Variants in UPF2 observed in about 807,000 individuals in gnomAD.
The protein encoded by UPF2 is UPF2 regulator of nonsense mediated mRNA decay.
Under a neutral mutation model 141.4 loss-of-function variants are expected in UPF2, and 17 were observed. That is an observed-to-expected ratio of 0.12 (90% CI 0.08 to 0.18). The LOEUF is 0.18. Among genes scored for constraint, UPF2 ranks in the 10% least tolerant of loss-of-function variants. UPF2 has a pLI of 1.00. For missense variants in UPF2, 1,152 were observed against 1,515.9 expected, an observed-to-expected ratio of 0.76 and a Z score of 3.99; for synonymous variants, 540 against 498.0, an observed-to-expected ratio of 1.08 and a Z score of -1.12.
At position 11,943,122 on chromosome 10, in the gene UPF2, T is replaced by A. The variant is rs765295638; in HGVS notation, c.3221A>T (p.Glu1074Val). ...GGAATCTGTAAGGTAATCTGTATTC[T>A]CTTCCTCCTCTTCTTCTCCCTCATC... ...DDDEGEEEEE[E>V]NTDYLTDSNK... Residue 1074 changes from glutamate to valine, a missense_variant, in exon 17 of 22, where the codon GAG (glutamate) becomes GTG (valine). Glu to Val is a moderately radical substitution (Grantham distance 121, BLOSUM62 -2). Coordinates refer to ENST00000357604, the MANE Select transcript of UPF2 (RefSeq NM_015542.4). 1.9e-6 allele frequency: 3 copies of A among 1,612,088 alleles called. No individual in the cohort carries two copies. Among genetic ancestry groups the A allele is most frequent in the Non-Finnish European group, 2.5e-6 (3 of 1,179,364 alleles).
chr10:11,936,688 C>A lies in UPF2; in HGVS notation c.3403G>T (p.Val1135Leu). 1.2e-6 allele frequency: 2 copies of A among 1,609,668 alleles called. No individual in the cohort carries two copies. The highest frequency in any genetic ancestry group is 1.7e-6 in the Non-Finnish European group (2 of 1,178,056). Residue 1135 changes from valine (V) to leucine (L), a missense_variant, in exon 19 of 22, where the codon GTG becomes TTG. By Grantham distance (32) the Val-to-Leu change is conservative. This residue lies in a region of UPF2 where 202 missense variants were observed against 223.6 expected (regional missense o/e 0.90). Transcript: ENST00000357604. This position sits in a 1 kb window ranked among gnomAD's most constrained non-coding sequence, Gnocchi z 6.6. ...GGAATGGCAACATCTAGTTGGTGCACTTTAACAGATTCACCACTTCGTTGC... is the reference window on the plus strand; with the variant it reads ...GGAATGGCAACATCTAGTTGGTGCAATTTAACAGATTCACCACTTCGTTGC... ...LQQRSGESVK[V>L]HQLDVAIPLH...
chr10:11,985,209 G>A (rs1170513732), intron 8 of UPF2, among the ~76,000 whole-genome samples: 1 of 152,234 alleles, frequency 6.6e-6, no homozygotes, highest in East Asian at 1.9e-4. Context: ...AAAAAGGACA[G>A]TTGATACAAA....
Position 11,979,955 on chromosome 10 carries a change from G to A in UPF2, c.1845-790C>T, listed in dbSNP as rs188732162. Among the ~76,000 whole-genome samples the A allele has an allele frequency of 3.2e-4, 48 of 152,240 alleles. No individual in the cohort carries two copies. Among genetic ancestry groups the A allele is most frequent in the African/African-American group, 1.2e-3 (48 of 41,534 alleles). On this transcript the variant is annotated intron_variant, in intron 8 of 21. Transcript: ENST00000357604. This position sits in a 1 kb window ranked among gnomAD's most constrained non-coding sequence, Gnocchi z 6.2. Reference sequence around the variant, plus strand: ...ACTCAATAACTGAAAAAACCTCTACGAAGGCAAAATAATATTACAAAATCT... The same window carrying A: ...ACTCAATAACTGAAAAAACCTCTACAAAGGCAAAATAATATTACAAAATCT...
chr10:11,940,661 C>T lies in UPF2; in HGVS notation c.3378+2004G>A, dbSNP rs1037356750. Reference sequence around the variant, plus strand: ...CAATCCAGCGCCAAATAAGCCAGGTCGTTCTACCTCCGAAATAGCTCAAAT... The same window carrying T: ...CAATCCAGCGCCAAATAAGCCAGGTTGTTCTACCTCCGAAATAGCTCAAAT... On this transcript the variant is annotated intron_variant, in intron 18 of 21. Coordinates refer to ENST00000357604, the MANE Select transcript of UPF2 (RefSeq NM_015542.4). This position sits in a 1 kb window ranked among gnomAD's most constrained non-coding sequence, Gnocchi z 4.2. 6.6e-6 allele frequency among the ~76,000 whole-genome samples: 1 copy of T among 152,182 alleles called. No individual in the cohort carries two copies. Among genetic ancestry groups the T allele is most frequent in the Non-Finnish European group, 1.5e-5 (1 of 68,018 alleles).
intron 9 of UPF2, 92 bp from the exon 10 acceptor site, chr10:11,967,546 G>GTTTTTTT (rs755905255): frequency 1.2e-4 from 28 of 243,050 alleles, no homozygotes; most frequent in South Asian, 3.5e-4. Flanking sequence ...ATTCACTCCA[G>GTTTTTTT]TTTTTTTTTT....
chr10:11,925,613 C>CTTAAGGAGGACAAGGTCTGCAG (rs1441426584), intron 21 of UPF2, among the ~76,000 whole-genome samples: 3 of 152,216 alleles, frequency 2.0e-5, no homozygotes, highest in African/African-American at 7.2e-5. Context: ...CTAAGCGGCA[C>CTTAAGGAGGACAAGGTCTGCAG]TTAAGGAGGA....
rs554815163 is a variant in UPF2, at chr10:11,931,204, C to G, written c.3688+437G>C. 6.6e-6 allele frequency among the ~76,000 whole-genome samples: 1 copy of G among 152,344 alleles called. No individual in the cohort carries two copies. The highest frequency in any genetic ancestry group is 1.9e-4 in the East Asian group (1 of 5,192). On this transcript the variant is annotated intron_variant, in intron 20 of 21. Transcript: ENST00000357604. This position sits in a 1 kb window ranked among gnomAD's most constrained non-coding sequence, Gnocchi z 5.9. Reference sequence around the variant, plus strand: ...CAATGGTGGTCCCATCAGTTCATAACAGCTACACCATACAGCCTCAGTGTG... The same window carrying G: ...CAATGGTGGTCCCATCAGTTCATAAGAGCTACACCATACAGCCTCAGTGTG...
At chr10:12,020,518 G>A (rs1834299805) in intron 3 of UPF2, among the ~76,000 whole-genome samples, 1 of 152,124 alleles carries the variant, frequency 6.6e-6, no homozygotes, top group African/African-American at 2.4e-5. Flanking sequence ...AGCTACTAAA[G>A]TTTAAGAAGT....
At chr10:11,942,203 G>A (rs1287705034) in intron 18 of UPF2, among the ~76,000 whole-genome samples, 1 of 152,170 alleles carries the variant, frequency 6.6e-6, no homozygotes, top group Admixed American at 6.5e-5. Flanking sequence ...GTAAAACGCT[G>A]TCTCTACTAA....
At chr10:11,999,532 A>AAAAC (rs1564361270) in intron 7 of UPF2, among the ~76,000 whole-genome samples, 1 of 115,678 alleles carries the variant, frequency 8.6e-6, no homozygotes, top group Non-Finnish European at 1.8e-5. Context: ...AAAAAAAAAA[A>AAAAC]ACACACACAA....
At chr10:11,993,933 G>A (rs1213532395) in intron 8 of UPF2, among the ~76,000 whole-genome samples, 1 of 152,076 alleles carries the variant, frequency 6.6e-6, no homozygotes, top group Admixed American at 6.5e-5. Context: ...AGGCTGCAGT[G>A]AGCTGTAATC....
chr10:12,016,036 CACAA>C lies in UPF2; in HGVS notation c.1146-1856_1146-1853del, dbSNP rs1311390294. Among the ~76,000 whole-genome samples the C allele has an allele frequency of 5.9e-5, 9 of 152,182 alleles. No homozygotes were observed. The highest frequency in any genetic ancestry group is 2.0e-4 in the Admixed American group (3 of 15,300). ...ATGTGTTTCAGACTACTGTTACAAA[CACAA>C]ACAAAATTTTTTCAGTAATTTTGTG... On this transcript the variant is annotated intron_variant, in intron 3 of 21. Coordinates refer to ENST00000357604, the MANE Select transcript of UPF2 (RefSeq NM_015542.4). This position sits in a 1 kb window ranked among gnomAD's most constrained non-coding sequence, Gnocchi z 4.1.
intron 2 of UPF2, among the ~76,000 whole-genome samples, chr10:12,032,240 G>T (rs1277608526): frequency 2.0e-5 from 3 of 151,432 alleles, no homozygotes; most frequent in Non-Finnish European, 4.4e-5. Flanking sequence ...GTTACGGTGA[G>T]CCGAGATCGC....
At position 11,931,789 on chromosome 10, in the gene UPF2, G is replaced by GA. The variant is rs1564334829; in HGVS notation, c.3547-8dup. 1 of 1,584,416 alleles carries GA rather than the reference G, an allele frequency of 6.3e-7. No homozygotes were observed. The highest frequency in any genetic ancestry group is 1.4e-5 in the African/African-American group (1 of 72,982). On this transcript the variant is annotated splice_region_variant and splice_polypyrimidine_tract_variant and intron_variant, in intron 19 of 21. Coordinates refer to ENST00000357604, the MANE Select transcript of UPF2 (RefSeq NM_015542.4). This position sits in a 1 kb window ranked among gnomAD's most constrained non-coding sequence, Gnocchi z 5.9. Reference sequence around the variant, plus strand: ...GTACATTAAGGATCTTAAACTGGGAGAAAATAACAAAGGAGTTACAAATAG... The same window carrying GA: ...GTACATTAAGGATCTTAAACTGGGAGAAAAATAACAAAGGAGTTACAAATAG...
At position 12,037,930 on chromosome 10, in the gene UPF2, A is replaced by T. The variant is rs138888935; in HGVS notation, c.-18-2489T>A. Among the ~76,000 whole-genome samples the T allele has an allele frequency of 4.7e-4, 72 of 152,316 alleles. 1 individual carries two copies. The highest frequency in any genetic ancestry group is 1.6e-3 in the African/African-American group (68 of 41,574). ...TACATGCCACAGCCTGTACCTTCTC[A>T]TAACTACCTTTTTCCTTCTCCTTTT... On this transcript the variant is annotated intron_variant, in intron 1 of 21. Transcript: ENST00000357604.
At chr10:11,948,309 A>C (rs1347758782) in intron 16 of UPF2, 60 bp downstream of exon 16, 1 of 1,483,502 alleles carries the variant, frequency 6.7e-7, no homozygotes. Context: ...ATTTTGGCTC[A>C]TATAATCAAA....
chr10:11,924,588 A>AT (rs397726678), intron 21 of UPF2, among the ~76,000 whole-genome samples: 2 of 150,874 alleles, frequency 1.3e-5, no homozygotes, highest in Non-Finnish European at 3.0e-5. Context: ...AAAAAAAAAA[A>AT]TCTTTTTTTT....
Position 11,921,432 on chromosome 10 carries a change from T to C in UPF2, c.3810-125A>G, listed in dbSNP as rs1564331490. 1.7e-6 allele frequency: 2 copies of C among 1,172,994 alleles called. No homozygotes were observed. The highest frequency in any genetic ancestry group is 4.7e-5 in the East Asian group (2 of 42,596). 72.7% of individuals were successfully genotyped at this position (1,172,994 alleles called of 1,614,324 possible). On this transcript the variant is annotated intron_variant, in intron 21 of 21. Transcript: ENST00000357604. This position sits in a 1 kb window ranked among gnomAD's most constrained non-coding sequence, Gnocchi z 5.9. ...CCCCAAGTTACAGGTGGCCCTGGCA[T>C]CTGCGGGTTCCACATCCATGGACCA...
chr10:12,037,206 C>T (rs574910954), intron 1 of UPF2, among the ~76,000 whole-genome samples: 20 of 151,848 alleles, frequency 1.3e-4, no homozygotes, highest in African/African-American at 4.6e-4. Flanking sequence ...TGCCTCAGCC[C>T]CCCAAGTAGC....
Sources: gnomAD v4.1 joint callset for allele counts (sites outside exome capture counted in the v4.1 genomes callset) on GRCh38, gnomAD v4.1.1 for gene constraint, gnomAD v4.1.1 regional missense constraint, Gnocchi (gnomAD v3.1) non-coding constraint, MANE v1.5 for transcripts, NCBI Gene and HGNC (gene_info 2026-07-23, HGNC 2026-07-21) for gene names.